PDE3B: variants seen among roughly 807,000 people sequenced by gnomAD.
PDE3B encodes the protein cGMP-inhibited 3',5'-cyclic phosphodiesterase 3B.
In PDE3B, 66 loss-of-function variants were observed where a neutral mutation model predicts 116.8. That is an observed-to-expected ratio of 0.56 (90% CI 0.46 to 0.69). PDE3B has a LOEUF of 0.69. Ranked by LOEUF, PDE3B falls within the 30% of genes least tolerant of loss-of-function variation. PDE3B has a pLI of 0.00. For missense variants in PDE3B, 1,384 were observed against 1,368.1 expected (o/e 1.01, Z -0.18); for synonymous variants, 595 against 533.6 (o/e 1.12, Z -1.59).
chr11:14,720,870 A>C (rs1318697669), intron 1 of PDE3B, among the ~76,000 whole-genome samples: 1 of 80,520 alleles, frequency 1.2e-5, no homozygotes, highest in Non-Finnish European at 2.4e-5. Flanking sequence ...GTGGGCAAGG[A>C]CTTCATGTCC....
rs148233459 is a variant in PDE3B, at chr11:14,743,855, C to G, written c.979-28082C>G. Among the ~76,000 whole-genome samples, 4 of 152,250 alleles carry G rather than the reference C, an allele frequency of 2.6e-5. No homozygotes were observed. In the East Asian group the frequency reaches 5.8e-4, roughly 22 times the overall value. ...TTGCACTTCCTGGGTGAGGAGATGC[C>G]CCACCCTGCATCTGCTCGCCCTCTG... On this transcript the variant is annotated intron_variant, in intron 1 of 15. Transcript: ENST00000282096.
the PDE3B span, among the ~76,000 whole-genome samples, chr11:14,893,986 C>T: frequency 6.6e-6 from 1 of 152,122 alleles, no homozygotes; most frequent in Admixed American, 6.6e-5. Context: ...ACTAAGCAAA[C>T]CTTGTCCTCT....
Position 14,813,934 on chromosome 11 carries a change from A to G in PDE3B, c.1523-4249A>G, listed in dbSNP as rs1286518215. Among the ~76,000 whole-genome samples the G allele has an allele frequency of 2.0e-5, 3 of 152,224 alleles. No individual in the cohort carries two copies. In the East Asian group the frequency reaches 5.8e-4, roughly 29 times the overall value. On this transcript the variant is annotated intron_variant, in intron 5 of 15. Coordinates refer to ENST00000282096, the MANE Select transcript of PDE3B (RefSeq NM_000922.4). ...TACCATAATGTTCATGTTGGGAAGT[A>G]TTATTACAGGAATATAAAGTCTGTT...
chr11:14,855,647 A>C (rs782496879), intron 12 of PDE3B, among the ~76,000 whole-genome samples: 2 of 149,998 alleles, frequency 1.3e-5, no homozygotes, highest in Non-Finnish European at 3.0e-5. Context: ...GTGTGTGAGC[A>C]AGAGAGAGAG....
chr11:14,834,538 T>C (rs1859994074), intron 10 of PDE3B, among the ~76,000 whole-genome samples: 1 of 152,230 alleles, frequency 6.6e-6, no homozygotes, highest in South Asian at 2.1e-4. Context: ...TTCACATATT[T>C]AGTATTTAAT....
chr11:14,688,509 G>A (rs1409123480), intron 1 of PDE3B, among the ~76,000 whole-genome samples: 1 of 152,136 alleles, frequency 6.6e-6, no homozygotes, highest in Non-Finnish European at 1.5e-5. Flanking sequence ...GACTGAATGT[G>A]TGTGTACTCT....
chr11:14,848,411 C>T (rs1327789839), intron 12 of PDE3B, among the ~76,000 whole-genome samples: 1 of 149,706 alleles, frequency 6.7e-6, no homozygotes, highest in African/African-American at 2.5e-5. Context: ...TGGAAGCATT[C>T]CCTTTGAAAA....
At chr11:14,667,402 T>A (rs940358818) in intron 1 of PDE3B, among the ~76,000 whole-genome samples, 11 of 151,314 alleles carry the variant, frequency 7.3e-5, no homozygotes, top group Non-Finnish European at 4.4e-5. Flanking sequence ...ACCTGCACAT[T>A]GTGCACATGT....
intron 5 of PDE3B, among the ~76,000 whole-genome samples, chr11:14,817,460 A>G (rs1246779759): frequency 6.6e-6 from 1 of 152,180 alleles, no homozygotes; most frequent in Non-Finnish European, 1.5e-5. Context: ...AAAGAATTTT[A>G]GTTCTTTGGC....
chr11:14,877,013 C>G (rs1000039860), downstream of PDE3B, among the ~76,000 whole-genome samples: 1 of 152,120 alleles, frequency 6.6e-6, no homozygotes, highest in Admixed American at 6.6e-5. Context: ...AAGGTTAAAT[C>G]CATATTCTTA....
chr11:14,830,565 T>C lies in PDE3B; in HGVS notation c.1808-133T>C, dbSNP rs1859846305. The stretch of plus-strand genomic sequence containing the variant: ...CACAGGAAGATACAACTTAATGGTA[T>C]CGTGAAATAATTTAGATTGAACTCC... On this transcript the variant is annotated intron_variant, in intron 7 of 15. Transcript: ENST00000282096. The C allele has an allele frequency of 7.2e-6, 3 of 416,236 alleles. No individual in the cohort carries two copies. The South Asian group carries it at 2.4e-4, about 33-fold the overall frequency. 25.8% of individuals were successfully genotyped at this position (416,236 alleles called of 1,614,324 possible). A position where few individuals can be genotyped will look rare whatever the true frequency, so the allele number is the denominator to read the frequency against.
At chr11:14,882,739 A>G in the PDE3B span, among the ~76,000 whole-genome samples, 2 of 152,354 alleles carry the variant, frequency 1.3e-5, no homozygotes, top group African/African-American at 4.8e-5. Flanking sequence ...GAGGAAGTCA[A>G]ATTGTCTCTG....
At chr11:14,817,731 A>G (rs1378197320) in intron 5 of PDE3B, among the ~76,000 whole-genome samples, 2 of 152,136 alleles carry the variant, frequency 1.3e-5, no homozygotes, top group Non-Finnish European at 2.9e-5. Flanking sequence ...ATGAGACCCC[A>G]TCTCACAGAC....
chr11:14,837,347 C>T (rs950868553), intron 11 of PDE3B, among the ~76,000 whole-genome samples: 1 of 152,160 alleles, frequency 6.6e-6, no homozygotes, highest in African/African-American at 2.4e-5. Context: ...CGAGTTCTCC[C>T]CCAATCTTTC....
At chr11:14,763,736 G>A (rs920735642) in intron 1 of PDE3B, among the ~76,000 whole-genome samples, 2 of 151,978 alleles carry the variant, frequency 1.3e-5, no homozygotes, top group Non-Finnish European at 2.9e-5. Context: ...GATATTAGAA[G>A]GTAATATGAT....
intron 1 of PDE3B, chr11:14,698,839 G>A (rs2133815020): frequency 6.6e-6 from 1 of 152,062 alleles, no homozygotes; most frequent in African/African-American, 2.4e-5. Flanking sequence ...ATAGCTGGTG[G>A]TTACTGCTCT....
At chr11:14,850,231 C>T (rs1002781858) in intron 12 of PDE3B, among the ~76,000 whole-genome samples, 9 of 151,914 alleles carry the variant, frequency 5.9e-5, no homozygotes, top group South Asian at 2.1e-4. Flanking sequence ...AGTAAACTAT[C>T]GCAAGAACAA....
intron 1 of PDE3B, among the ~76,000 whole-genome samples, chr11:14,737,889 G>C (rs560727126): frequency 4.6e-5 from 7 of 151,028 alleles, no homozygotes; most frequent in African/African-American, 1.7e-4. Flanking sequence ...TGTCCTTGGG[G>C]TAGTTTACTG....
chr11:14,750,190 C>T (rs1857021080), intron 1 of PDE3B, among the ~76,000 whole-genome samples: 1 of 151,718 alleles, frequency 6.6e-6, no homozygotes, highest in African/African-American at 2.4e-5. Context: ...CAGTGTACTG[C>T]TTCAAATGTT....
Sources: allele counts gnomAD v4.1 joint callset (sites outside exome capture counted in the v4.1 genomes callset), GRCh38; gene constraint gnomAD v4.1.1; transcripts MANE v1.5; gene names NCBI Gene and HGNC (gene_info 2026-07-23, HGNC 2026-07-21).